The following GNG2 variants were observed in gnomAD, a reference collection of about 807,000 sequenced individuals.
GNG2 encodes the protein G protein subunit gamma 2, also known as guanine nucleotide-binding protein G(I)/G(S)/G(O) subunit gamma-2.
Under a neutral mutation model 5.5 loss-of-function variants are expected in GNG2, and 5 were observed. That is an observed-to-expected ratio of 0.91 (90% CI 0.48 to 1.92). GNG2 has a LOEUF of 1.92. GNG2 is among the 30% of genes most tolerant of loss of function. The pLI, the probability that GNG2 is intolerant of heterozygous loss-of-function variation, is 0.01. For synonymous variants in GNG2, 28 were observed against 32.0 expected, an observed-to-expected ratio of 0.88 and a Z score of 0.42; for missense variants, 55 against 88.4, an observed-to-expected ratio of 0.62 and a Z score of 1.52.
chr14:51,938,923 A>C (rs1888164205), intron 2 of GNG2, among the ~76,000 whole-genome samples: 1 of 152,218 alleles, frequency 6.6e-6, no homozygotes, highest in African/African-American at 2.4e-5. Flanking sequence ...CGTTTTAATA[A>C]AGAAATTAAT....
chr14:51,848,581 A>G (rs1881750966), intron 2 of GNG2, among the ~76,000 whole-genome samples: 1 of 152,184 alleles, frequency 6.6e-6, no homozygotes. Flanking sequence ...CACTTCCTTC[A>G]GGTCTCTGTC....
intron 1 of GNG2, among the ~76,000 whole-genome samples, chr14:51,872,137 G>A (rs2140123297): frequency 6.6e-6 from 1 of 152,344 alleles, no homozygotes; most frequent in African/African-American, 2.4e-5. Context: ...TGGAGAGAAA[G>A]TGAGAGATAA....
At chr14:51,948,272 T>C (rs1428972098) in intron 2 of GNG2, among the ~76,000 whole-genome samples, 1 of 152,182 alleles carries the variant, frequency 6.6e-6, no homozygotes, top group Non-Finnish European at 1.5e-5. Flanking sequence ...TCGTTACTAA[T>C]GAAGAAGAAA....
At chr14:51,879,144 A>G (rs2140137282) in intron 2 of GNG2, among the ~76,000 whole-genome samples, 1 of 152,348 alleles carries the variant, frequency 6.6e-6, no homozygotes, top group Middle Eastern at 3.4e-3. Flanking sequence ...TATTTGGCAT[A>G]TTCCACTCAT....
chr14:51,852,383 T>G (rs1881947576), intron 2 of GNG2, among the ~76,000 whole-genome samples: 1 of 152,248 alleles, frequency 6.6e-6, no homozygotes, highest in African/African-American at 2.4e-5. Context: ...TACTGTGTCC[T>G]ATGCACTGAG....
chr14:51,931,982 C>T (rs1231498912), intron 2 of GNG2, among the ~76,000 whole-genome samples: 1 of 151,978 alleles, frequency 6.6e-6, no homozygotes, highest in African/African-American at 2.4e-5. Flanking sequence ...CGCGGTGGCT[C>T]ACGCCTGTAA....
At chr14:51,880,974 A>AG (rs1566661570) in intron 2 of GNG2, among the ~76,000 whole-genome samples, 1 of 150,076 alleles carries the variant, frequency 6.7e-6, no homozygotes, top group Non-Finnish European at 1.5e-5. Context: ...AAAGAAAAAA[A>AG]AAAAAAAAAA....
chr14:51,848,960 G>A (rs1454426939), intron 2 of GNG2, among the ~76,000 whole-genome samples: 1 of 152,168 alleles, frequency 6.6e-6, no homozygotes, highest in Non-Finnish European at 1.5e-5. Flanking sequence ...TACTATACAA[G>A]TTATCTACTG....
chr14:51,855,258 T>G (rs1265192647), intron 2 of GNG2, among the ~76,000 whole-genome samples: 1 of 152,184 alleles, frequency 6.6e-6, no homozygotes, highest in Non-Finnish European at 1.5e-5. Flanking sequence ...CTATCACTCT[T>G]CATGTCCCTT....
At chr14:51,910,934 G>T (rs1005956429) in intron 2 of GNG2, among the ~76,000 whole-genome samples, 2 of 152,232 alleles carry the variant, frequency 1.3e-5, no homozygotes. Context: ...AGCTGACAGA[G>T]CTTCCAGAAC....
intron 2 of GNG2, among the ~76,000 whole-genome samples, chr14:51,838,431 G>A (rs1331846383): frequency 4.0e-5 from 6 of 148,262 alleles, no homozygotes; most frequent in South Asian, 2.1e-4. Flanking sequence ...GCAACAGAGC[G>A]AGACTCTGTC....
chr14:51,952,394 C>T (rs1260374726), intron 3 of GNG2, among the ~76,000 whole-genome samples: 1 of 152,192 alleles, frequency 6.6e-6, no homozygotes, highest in Non-Finnish European at 1.5e-5. Context: ...TTCTTTTTCA[C>T]TCTCTTGCTG....
chr14:51,881,701 C>CTTTTTTTTTTT (rs58544362), intron 2 of GNG2, among the ~76,000 whole-genome samples: 11 of 104,216 alleles, frequency 1.1e-4, no homozygotes, highest in African/African-American at 3.3e-4. Context: ...AGCTGGAAGA[C>CTTTTTTTTTTT]TTTTTTTTTT....
intron 1 of GNG2, among the ~76,000 whole-genome samples, chr14:51,862,621 G>A (rs1179206482): frequency 1.3e-5 from 2 of 152,252 alleles, no homozygotes; most frequent in African/African-American, 2.4e-5. Flanking sequence ...CAGACAATCT[G>A]CATTAGTCTT....
chr14:51,962,831 A>G (rs1257902944), intron 3 of GNG2, among the ~76,000 whole-genome samples: 2 of 152,330 alleles, frequency 1.3e-5, no homozygotes, highest in East Asian at 3.9e-4. Flanking sequence ...TAGGCACACG[A>G]TTGCTGTGAC....
At chr14:51,827,678 A>C (rs955529113) in exon 2 of GNG2, 3 of 701,910 alleles carry the variant, frequency 4.3e-6, no homozygotes, top group African/African-American at 1.7e-5. Context: ...AATTACACGC[A>C]GTGGAAAAGC....
At chr14:51,917,338 C>T (rs748512512) in intron 2 of GNG2, 8 of 455,940 alleles carry the variant, frequency 1.8e-5, no homozygotes, top group East Asian at 6.9e-5. Flanking sequence ...ACTTACTGAG[C>T]CCCAAGTGTA....
At chr14:51,929,162 GA>G (rs1232125355) in intron 2 of GNG2, among the ~76,000 whole-genome samples, 9 of 152,150 alleles carry the variant, frequency 5.9e-5, no homozygotes, top group Admixed American at 5.9e-4. Flanking sequence ...TCTGTAAAAT[GA>G]ATCAGACTCA....
rs528877479 is a variant in GNG2, at chr14:51,913,615, T to C, written c.-30+35958T>C. Reference sequence around the variant, plus strand: ...CAGGATGAATGGTCCTTTCCCCCATTGTCATCACCTTTGAGATCAGGGAAG... The same window carrying C: ...CAGGATGAATGGTCCTTTCCCCCATCGTCATCACCTTTGAGATCAGGGAAG... On this transcript the variant is annotated intron_variant, in intron 2 of 3. Coordinates refer to ENST00000556766, the MANE Select transcript of GNG2 (RefSeq NM_053064.5). Among the ~76,000 whole-genome samples the C allele has an allele frequency of 4.1e-4, 63 of 152,214 alleles. 2 individuals are homozygous for C. The South Asian group carries it at 0.013, about 32-fold the overall frequency.
Sources: allele counts gnomAD v4.1 joint callset (sites outside exome capture counted in the v4.1 genomes callset), GRCh38; gene constraint gnomAD v4.1.1; transcripts MANE v1.5; gene names NCBI Gene and HGNC (gene_info 2026-07-23, HGNC 2026-07-21).